The following KAZN variants were observed in gnomAD, a reference collection of about 807,000 sequenced individuals.
KAZN encodes the protein kazrin.
KAZN carries 40 observed loss-of-function variants against 87.4 expected under a neutral mutation model. That is an observed-to-expected ratio of 0.46 (90% CI 0.36 to 0.60). The LOEUF (loss-of-function observed/expected upper bound fraction) is 0.60. Among genes scored for constraint, KAZN ranks in the 20% least tolerant of loss-of-function variants. KAZN has a pLI of 0.00. For synonymous variants in KAZN, 466 were observed against 458.3 expected (o/e 1.02, Z -0.22); for missense variants, 898 against 1,073.9 (o/e 0.84, Z 2.29).
Position 14,856,778 on chromosome 1 carries a change from A to G in KAZN, c.227-103906A>G, listed in dbSNP as rs919097956. On this transcript the variant is annotated intron_variant, in intron 1 of 14. Transcript: ENST00000376030. The surrounding 1 kb of genome is among the most constrained non-coding windows in gnomAD (Gnocchi z 5.2). ...ATTCTTCCAGGATAAAGATGAGCAT[A>G]TGTTTGTTGCCGGGCTGTTGCAGAG... Among the ~76,000 whole-genome samples the G allele has an allele frequency of 2.6e-5, 4 of 152,184 alleles. No homozygotes were observed. The highest frequency in any genetic ancestry group is 6.5e-5 in the Admixed American group (1 of 15,272).
intron 1 of KAZN, among the ~76,000 whole-genome samples, chr1:14,928,736 G>A (rs770549576): frequency 1.3e-5 from 2 of 152,158 alleles, no homozygotes; most frequent in Non-Finnish European, 2.9e-5. Context: ...GGTGGGTTTC[G>A]TGTGAGCATA....
At chr1:14,687,590 G>A (rs1161014895) in intron 1 of KAZN, among the ~76,000 whole-genome samples, 4 of 152,194 alleles carry the variant, frequency 2.6e-5, no homozygotes, top group Admixed American at 6.5e-5. Flanking sequence ...CCAGGCCAGC[G>A]TGTAAGACAC....
intron 1 of KAZN, among the ~76,000 whole-genome samples, chr1:14,883,192 G>A (rs958499346): frequency 1.3e-5 from 2 of 151,620 alleles, no homozygotes; most frequent in Non-Finnish European, 2.9e-5. Flanking sequence ...TTACTCAGGA[G>A]GCTGAGGCAG....
intron 1 of KAZN, among the ~76,000 whole-genome samples, chr1:14,609,788 G>A (rs761193): frequency 0.13 from 19,453 of 152,230 alleles, 2,881 homozygotes; most frequent in African/African-American, 0.36. Context: ...TGAGGTAGAC[G>A]CAGCAATCTA....
chr1:14,334,934 T>A (rs1159515367), intron 2 of KAZN, among the ~76,000 whole-genome samples: 1 of 143,042 alleles, frequency 7.0e-6, no homozygotes, highest in South Asian at 2.1e-4. Context: ...GACACAGAAA[T>A]AGACACAGAG....
chr1:14,265,717 A>G (rs1049703081), intron 2 of KAZN, among the ~76,000 whole-genome samples: 5 of 152,232 alleles, frequency 3.3e-5, no homozygotes, highest in Non-Finnish European at 5.9e-5. Flanking sequence ...ACAGATGCAG[A>G]GAATGATTAA....
chr1:14,737,008 G>A lies in KAZN; in HGVS notation c.226+137785G>A, dbSNP rs78781377. Among the ~76,000 whole-genome samples the A allele has an allele frequency of 2.2e-4, 34 of 152,320 alleles. 1 individual carries two copies. In the East Asian group the frequency reaches 6.2e-3, roughly 28 times the overall value. On this transcript the variant is annotated intron_variant, in intron 1 of 14. Coordinates refer to ENST00000376030, the MANE Select transcript of KAZN (RefSeq NM_201628.3). Reference sequence around the variant, plus strand: ...ATCGGCGATCGAGATCAATAAGGACGTAAGTGCATTGCACACCTTGAAGAG... The same window carrying A: ...ATCGGCGATCGAGATCAATAAGGACATAAGTGCATTGCACACCTTGAAGAG...
intron 1 of KAZN, among the ~76,000 whole-genome samples, chr1:14,645,018 A>G (rs1020050831): frequency 4.6e-5 from 7 of 152,200 alleles, no homozygotes; most frequent in Non-Finnish European, 1.0e-4. Context: ...TCTTCTGCAT[A>G]TAGTCATATG....
rs1043553155 is a variant in KAZN at position 14,623,426 on chromosome 1, T to C, written c.226+24203T>C. ...AGTGGGAGCGAAACATTGAGTGCAC[T>C]TGGACACAAAGAAGGGAATGACAGA... On this transcript the variant is annotated intron_variant, in intron 1 of 14. Coordinates refer to ENST00000376030, the MANE Select transcript of KAZN (RefSeq NM_201628.3). Among the ~76,000 whole-genome samples, 7 of 152,090 alleles carry C rather than the reference T, an allele frequency of 4.6e-5. No homozygotes were observed. In the South Asian group the frequency reaches 8.3e-4, roughly 18 times the overall value.
At chr1:14,681,659 T>TA (rs1640658546) in intron 1 of KAZN, among the ~76,000 whole-genome samples, 4 of 6,100 alleles carry the variant, frequency 6.6e-4, no homozygotes, top group Admixed American at 3.4e-3. Flanking sequence ...ATATATATAT[T>TA]TTTTTTTTTT....
At chr1:14,098,128 G>T (rs1274551432) in intron 1 of KAZN, among the ~76,000 whole-genome samples, 2 of 152,114 alleles carry the variant, frequency 1.3e-5, no homozygotes, top group African/African-American at 4.8e-5. Flanking sequence ...AAGGGCTGGA[G>T]CTCTTCCCCT....
intron 2 of KAZN, among the ~76,000 whole-genome samples, chr1:14,221,694 A>T (rs932132298): frequency 6.6e-6 from 1 of 152,182 alleles, no homozygotes; most frequent in Non-Finnish European, 1.5e-5. Context: ...ACTGAATGTC[A>T]TATCATTTCT....
chr1:14,887,034 T>A (rs1654146868), intron 1 of KAZN, among the ~76,000 whole-genome samples: 1 of 151,856 alleles, frequency 6.6e-6, no homozygotes, highest in South Asian at 2.1e-4. Flanking sequence ...CCCCCACGAG[T>A]GTGGTTGTGA....
At chr1:14,073,432 G>A (rs1262570038) in intron 1 of KAZN, among the ~76,000 whole-genome samples, 2 of 151,846 alleles carry the variant, frequency 1.3e-5, no homozygotes, top group Non-Finnish European at 2.9e-5. Context: ...TTAAGTTCTG[G>A]GATACATGTG....
chr1:14,048,887 A>G (rs910263970), intron 1 of KAZN, among the ~76,000 whole-genome samples: 2 of 152,186 alleles, frequency 1.3e-5, no homozygotes, highest in Admixed American at 1.3e-4. Context: ...AGTCCCACCA[A>G]CAGTGTAAAA....
chr1:14,634,380 G>A (rs189140012), intron 1 of KAZN, among the ~76,000 whole-genome samples: 47 of 152,204 alleles, frequency 3.1e-4, no homozygotes, highest in Non-Finnish European at 5.9e-4. Context: ...AACCGTACAC[G>A]GAGAATCTGT....
intron 1 of KAZN, among the ~76,000 whole-genome samples, chr1:14,054,846 T>C (rs1340781385): frequency 6.6e-6 from 1 of 152,206 alleles, no homozygotes; most frequent in African/African-American, 2.4e-5. Flanking sequence ...GCACATAAGC[T>C]AGTGTAGGAG....
At chr1:14,134,980 C>A (rs1423471550) in intron 1 of KAZN, among the ~76,000 whole-genome samples, 4 of 86,244 alleles carry the variant, frequency 4.6e-5, no homozygotes, top group African/African-American at 2.3e-4. Flanking sequence ...CACACACACA[C>A]ACACACACAC....
intron 2 of KAZN, among the ~76,000 whole-genome samples, chr1:14,968,052 G>A (rs1341588356): frequency 6.6e-6 from 1 of 152,056 alleles, no homozygotes; most frequent in Non-Finnish European, 1.5e-5. Context: ...CATTTCTTGT[G>A]CACTAAATTT....
Sources: gnomAD v4.1 joint callset for allele counts (sites outside exome capture counted in the v4.1 genomes callset) on GRCh38, gnomAD v4.1.1 for gene constraint, Gnocchi (gnomAD v3.1) non-coding constraint, MANE v1.5 for transcripts, NCBI Gene and HGNC (gene_info 2026-07-23, HGNC 2026-07-21) for gene names.